NEURL1: variants seen among roughly 807,000 people sequenced by gnomAD.
NEURL1 encodes E3 ubiquitin-protein ligase NEURL1.
A neutral mutation model predicts 41.2 loss-of-function variants in NEURL1; 26 were observed. The ratio of observed to expected loss-of-function variants is 0.63; its 90% CI spans 0.46 to 0.87. The LOEUF is 0.87. NEURL1 is among the 40% of genes least tolerant of loss of function. The probability of loss-of-function intolerance (pLI) is 0.00; values close to 1 mark genes in which losing one functional copy is unlikely to be tolerated. For missense variants in NEURL1, 761 were observed against 871.1 expected (o/e 0.87, Z 1.59); for synonymous variants, 400 against 402.3 (o/e 0.99, Z 0.07).
intron 3 of NEURL1, among the ~76,000 whole-genome samples, chr10:103,576,682 T>C (rs1250422735): frequency 6.6e-6 from 1 of 152,020 alleles, no homozygotes; most frequent in African/African-American, 2.4e-5. Context: ...TCAACACATC[T>C]AAATGGTGGG....
intron 1 of NEURL1, among the ~76,000 whole-genome samples, chr10:103,495,679 A>G (rs1428662029): frequency 6.6e-6 from 1 of 152,208 alleles, no homozygotes; most frequent in Non-Finnish European, 1.5e-5. Flanking sequence ...AGGAGGAGAG[A>G]TAGGACCACT....
chr10:103,585,123 C>T lies in NEURL1; in HGVS notation c.1237C>T (p.His413Tyr). 1.3e-6 allele frequency: 2 copies of T among 1,590,700 alleles called. No homozygotes were observed. Among genetic ancestry groups the T allele is most frequent in the Non-Finnish European group, 8.5e-7 (1 of 1,175,960 alleles). Residue 413 changes from histidine to tyrosine, a missense_variant, in exon 4 of 6, where the codon CAC becomes TAC. Coordinates refer to ENST00000369780, the MANE Select transcript of NEURL1 (RefSeq NM_004210.5). The stretch of plus-strand genomic sequence containing the variant: ...CGCCGACGGCGAGCTGCACCTCAGC[C>T]ACAATGGCGCGGCCGCCGGCATGCA... The part of the protein sequence containing the change: ...VNADGELHLS[H>Y]NGAAAGMQLC...
In NEURL1 at chr10:103,499,783, TCG is replaced by T. The variant is rs1462110755; in HGVS notation, c.85+5313_85+5314del. On this transcript the variant is annotated intron_variant, in intron 1 of 5. Coordinates refer to ENST00000369780, the MANE Select transcript of NEURL1 (RefSeq NM_004210.5). ...TAGCCATTTTTCTGCATTCACATTC[TCG>T]CTGCTACTTCCCCTATCTGAGTCCT... Among the ~76,000 whole-genome samples, 669 of 152,106 alleles carry T rather than the reference TCG, an allele frequency of 4.4e-3. 3 individuals are homozygous for T. Among genetic ancestry groups the T allele is most frequent in the Middle Eastern group, 0.017 (5 of 292 alleles).
At chr10:103,519,070 C>A (rs557413358) in intron 1 of NEURL1, among the ~76,000 whole-genome samples, 6 of 152,158 alleles carry the variant, frequency 3.9e-5, no homozygotes, top group South Asian at 2.1e-4. Context: ...CATGGTGAAA[C>A]CCTGTCTCTA....
At chr10:103,503,161 A>G (rs1221661921) in intron 1 of NEURL1, among the ~76,000 whole-genome samples, 1 of 152,224 alleles carries the variant, frequency 6.6e-6, no homozygotes, top group East Asian at 1.9e-4. Flanking sequence ...TGGCCAGACC[A>G]GAGGCGCTAA....
chr10:103,530,557 TC>T (rs2034548911), intron 1 of NEURL1, among the ~76,000 whole-genome samples: 1 of 152,072 alleles, frequency 6.6e-6, no homozygotes, highest in Admixed American at 6.6e-5. Context: ...TGATTTCAAT[TC>T]TTTTTTTTTT....
chr10:103,563,118 A>C (rs1307286224), intron 1 of NEURL1, among the ~76,000 whole-genome samples: 2 of 152,204 alleles, frequency 1.3e-5, no homozygotes, highest in African/African-American at 2.4e-5. Context: ...TTTGGGGTAA[A>C]ATAAGACTGA....
chr10:103,542,211 A>G (rs745865503), intron 1 of NEURL1, among the ~76,000 whole-genome samples: 5 of 152,160 alleles, frequency 3.3e-5, no homozygotes, highest in Non-Finnish European at 5.9e-5. Context: ...CCCACACTTC[A>G]GATTTCTCTA....
chr10:103,547,636 C>G (rs1024548521), intron 1 of NEURL1, among the ~76,000 whole-genome samples: 2 of 152,160 alleles, frequency 1.3e-5, no homozygotes, highest in Non-Finnish European at 1.5e-5. Flanking sequence ...GGGCCTGACA[C>G]AAGAAGGAGT....
chr10:103,553,086 G>C (rs1486920374), intron 1 of NEURL1, among the ~76,000 whole-genome samples: 1 of 152,168 alleles, frequency 6.6e-6, no homozygotes, highest in Non-Finnish European at 1.5e-5. Context: ...GGGGCCAGCT[G>C]AGTGTGTTAA....
chr10:103,528,084 G>A (rs530232232), intron 1 of NEURL1, among the ~76,000 whole-genome samples: 3 of 152,036 alleles, frequency 2.0e-5, no homozygotes, highest in Non-Finnish European at 2.9e-5. Flanking sequence ...GGCCAGGCAC[G>A]TTGGCTCATG....
chr10:103,572,666 T>C (rs184199639), intron 3 of NEURL1, among the ~76,000 whole-genome samples: 25 of 152,308 alleles, frequency 1.6e-4, no homozygotes, highest in Admixed American at 1.6e-3. Context: ...AGAACTCAGG[T>C]CACCTGACTC....
At chr10:103,569,666 C>G in intron 1 of NEURL1, among the ~76,000 whole-genome samples, 1 of 152,344 alleles carries the variant, frequency 6.6e-6, no homozygotes, top group South Asian at 2.1e-4. Context: ...TGGGGCTCTT[C>G]TGAGCATTTC....
chr10:103,563,653 G>C (rs2035355221), intron 1 of NEURL1, among the ~76,000 whole-genome samples: 1 of 152,128 alleles, frequency 6.6e-6, no homozygotes, highest in South Asian at 2.1e-4. Flanking sequence ...TAGGAAAGCA[G>C]AATGATATAA....
At position 103,584,670 on chromosome 10, in the gene NEURL1, G is replaced by A; in HGVS notation, c.784G>A (p.Gly262Ser). The change falls in exon 4 of 6, where the codon GGC becomes AGC. Residue 262 changes from glycine to serine, a missense_variant. Physicochemically the swap from Gly to Ser is moderately conservative, Grantham distance 56 (BLOSUM62 0). Transcript: ENST00000369780. ...LCDLNVPGAD[G>S]DEAAPAAGCP... ...CGACCTCAACGTGCCGGGCGCGGAC[G>A]GCGACGAGGCCGCGCCGGCCGCCGG... 7.0e-7 allele frequency: 1 copy of A among 1,427,856 alleles called. No individual in the cohort carries two copies. Among genetic ancestry groups the A allele is most frequent in the South Asian group, 1.4e-5 (1 of 69,262 alleles). The allele number at this position is 1,427,856 out of a possible 1,614,324, so 88.4% of individuals were successfully genotyped here.
intron 1 of NEURL1, among the ~76,000 whole-genome samples, chr10:103,521,810 C>G (rs1453690770): frequency 6.6e-6 from 1 of 152,130 alleles, no homozygotes; most frequent in Non-Finnish European, 1.5e-5. Context: ...GGAATGCTAG[C>G]TGCCCGGGTT....
Position 103,571,651 on chromosome 10 carries a change from G to A in NEURL1, c.478G>A (p.Glu160Lys), listed in dbSNP as rs1221911940. Residue 160 changes from glutamate (E) to lysine (K), a missense_variant, in exon 3 of 6, where the codon GAG becomes AAG. Glu to Lys is a moderately conservative substitution (Grantham distance 56). Around this residue, in one of 5 missense-constraint regions of NEURL1, gnomAD observed 65 missense variants for 131.6 expected, o/e 0.49. Coordinates refer to ENST00000369780, the MANE Select transcript of NEURL1 (RefSeq NM_004210.5). ...CTTCTGGGCCAAGGCGCTGCCTGAGGAGTTTGCCAATGAGGGCAACATCAT... is the reference window on the plus strand; with the variant it reads ...CTTCTGGGCCAAGGCGCTGCCTGAGAAGTTTGCCAATGAGGGCAACATCAT... ...SGFWAKALPE[E>K]FANEGNIIAF... is the part of the protein sequence containing the mutation. 2 of 1,614,192 alleles carry A rather than the reference G, an allele frequency of 1.2e-6. No homozygotes were observed. Among genetic ancestry groups the A allele is most frequent in the Non-Finnish European group, 1.7e-6 (2 of 1,180,012 alleles).
intron 1 of NEURL1, among the ~76,000 whole-genome samples, chr10:103,527,086 C>T (rs911362946): frequency 3.9e-5 from 6 of 152,028 alleles, no homozygotes; most frequent in African/African-American, 9.7e-5. Context: ...TCGAGTTTTC[C>T]AGGAAAGGGG....
chr10:103,496,474 C>T (rs765462461), intron 1 of NEURL1, among the ~76,000 whole-genome samples: 2 of 152,298 alleles, frequency 1.3e-5, no homozygotes, highest in Admixed American at 1.3e-4. Context: ...TGTAAAGTTT[C>T]CAAAGGGTTA....
Sources: allele counts gnomAD v4.1 joint callset (sites outside exome capture counted in the v4.1 genomes callset), GRCh38; gene constraint gnomAD v4.1.1; regional missense constraint gnomAD v4.1.1; transcripts MANE v1.5; gene names NCBI Gene and HGNC (gene_info 2026-07-23, HGNC 2026-07-21).